Variants in GSTO2 observed in about 807,000 individuals in gnomAD.
GSTO2 encodes glutathione S-transferase omega 2.
A neutral mutation model predicts 28.4 loss-of-function variants in GSTO2; 23 were observed. The observed-to-expected ratio is 0.81, with a 90% CI of 0.58 to 1.15. The LOEUF is 1.15. Among genes scored for constraint, GSTO2 ranks in the 50% most tolerant of loss-of-function variants. The probability of loss-of-function intolerance (pLI) is 0.00; values close to 1 mark genes in which losing one functional copy is unlikely to be tolerated. For missense variants in GSTO2, 298 were observed against 297.8 expected, an observed-to-expected ratio of 1.00 and a Z score of 0.00; for synonymous variants, 109 against 111.0, an observed-to-expected ratio of 0.98 and a Z score of 0.11.
At chr10:104,272,800 G>A (rs2011480227) in intron 1 of GSTO2, among the ~76,000 whole-genome samples, 1 of 151,192 alleles carries the variant, frequency 6.6e-6, no homozygotes, top group South Asian at 2.1e-4. Flanking sequence ...TTTTAGTAGA[G>A]ACGGGGTTTC....
At chr10:104,278,920 C>T (rs1319786662) in intron 4 of GSTO2, among the ~76,000 whole-genome samples, 5 of 152,134 alleles carry the variant, frequency 3.3e-5, no homozygotes, top group African/African-American at 1.2e-4. Flanking sequence ...TTTTTAAAAA[C>T]CTCAATGATA....
rs2013310526 is a variant in GSTO2 at position 104,303,189 on chromosome 10, AGT to A, written c.*3907_*3908del. ...TCTCATGATTTAGCTCCCACTTATA[AGT>A]GAGAACATGCAGTTTTTGTAAACCT... On this transcript the variant is annotated 3_prime_UTR_variant, in exon 7 of 7. Transcript: ENST00000338595. 3 of 152,286 alleles carry A rather than the reference AGT, an allele frequency of 2.0e-5. No homozygotes were observed. In the South Asian group the frequency reaches 6.2e-4, roughly 32 times the overall value. 9.4% of individuals were successfully genotyped at this position (152,286 alleles called of 1,614,324 possible). A position where few individuals can be genotyped will look rare whatever the true frequency, so the allele number is the denominator to read the frequency against.
chr10:104,274,822 C>T lies in GSTO2; in HGVS notation c.-94C>T. The T allele has an allele frequency of 1.4e-6, 2 of 1,472,380 alleles. No homozygotes were observed. Among genetic ancestry groups the T allele is most frequent in the East Asian group, 2.4e-5 (1 of 41,082 alleles). The allele number at this position is 1,472,380 out of a possible 1,614,324, so 91.2% of individuals were successfully genotyped here. A position where few individuals can be genotyped will look rare whatever the true frequency, so the allele number is the denominator to read the frequency against. On this transcript the variant is annotated 5_prime_UTR_variant, in exon 2 of 7. Transcript: ENST00000338595. ...TAAATTTGGGGCAAGGGGTGCGCGCCAGAGCGCAGCTGTTTCTGGAGCCTG... is the reference window on the plus strand; with the variant it reads ...TAAATTTGGGGCAAGGGGTGCGCGCTAGAGCGCAGCTGTTTCTGGAGCCTG...
intron 3 of GSTO2, among the ~76,000 whole-genome samples, chr10:104,276,126 C>G (rs763499929): frequency 6.6e-6 from 1 of 152,124 alleles, no homozygotes; most frequent in African/African-American, 2.4e-5. Flanking sequence ...ACTCTTGTCT[C>G]GGAGAGTCCA....
At chr10:104,293,974 A>G (rs74154785) in intron 5 of GSTO2, among the ~76,000 whole-genome samples, 1,699 of 152,256 alleles carry the variant, frequency 0.011, 28 homozygotes, top group African/African-American at 0.038. Flanking sequence ...TCCTCTGCAC[A>G]GCAAGGCTCC....
chr10:104,289,940 T>A (rs565626549), intron 5 of GSTO2, among the ~76,000 whole-genome samples: 9 of 152,118 alleles, frequency 5.9e-5, no homozygotes, highest in Non-Finnish European at 1.3e-4. Flanking sequence ...TAACGAATAC[T>A]GGTGAGGATG....
At chr10:104,295,727 G>C (rs1443600630) in intron 5 of GSTO2, 2 of 152,202 alleles carry the variant, frequency 1.3e-5, no homozygotes, top group African/African-American at 4.8e-5. Flanking sequence ...TGGTTCCCAA[G>C]CTCACATCCT....
intron 4 of GSTO2, 41 bp downstream of exon 4, chr10:104,278,157 T>C: frequency 6.7e-7 from 1 of 1,492,738 alleles, no homozygotes; most frequent in Non-Finnish European, 9.3e-7. Flanking sequence ...GTATTTTACT[T>C]TGCATGTCTT....
At chr10:104,285,134 A>G (rs1589866490) in intron 5 of GSTO2, among the ~76,000 whole-genome samples, 1 of 152,194 alleles carries the variant, frequency 6.6e-6, no homozygotes, top group Non-Finnish European at 1.5e-5. Context: ...AAACTTGATC[A>G]TGTGCCTTAT....
chr10:104,288,123 C>G (rs1026350654), intron 5 of GSTO2, among the ~76,000 whole-genome samples: 6 of 152,098 alleles, frequency 3.9e-5, no homozygotes, highest in African/African-American at 1.2e-4. Context: ...ATCTCCTGAC[C>G]TTGTGATCCA....
At chr10:104,282,239 A>G (rs1337923149) in intron 5 of GSTO2, among the ~76,000 whole-genome samples, 52 of 148,214 alleles carry the variant, frequency 3.5e-4, no homozygotes, top group African/African-American at 8.1e-4. Context: ...AAAAAAAAAA[A>G]AAAAGAAAAG....
intron 4 of GSTO2, among the ~76,000 whole-genome samples, chr10:104,278,779 C>G (rs1480516579): frequency 6.6e-6 from 1 of 152,126 alleles, no homozygotes; most frequent in Non-Finnish European, 1.5e-5. Flanking sequence ...CTGTGCCTGG[C>G]CAGTGATGCT....
intron 1 of GSTO2, among the ~76,000 whole-genome samples, chr10:104,274,305 G>A (rs776845522): frequency 7.2e-5 from 11 of 152,186 alleles, no homozygotes; most frequent in South Asian, 4.1e-4. Flanking sequence ...GGTGCAAAAT[G>A]TGAGTTGTCT....
At chr10:104,277,822 C>T in intron 3 of GSTO2, 72 bp from the exon 4 acceptor site, 1 of 1,013,854 alleles carries the variant, frequency 9.9e-7, no homozygotes, top group Non-Finnish European at 1.5e-6. Context: ...ATTGCTTCTG[C>T]TTTCAAGAAG....
chr10:104,285,575 G>C (rs999679756), intron 5 of GSTO2, among the ~76,000 whole-genome samples: 1 of 152,130 alleles, frequency 6.6e-6, no homozygotes, highest in African/African-American at 2.4e-5. Context: ...TCAACCTCCT[G>C]AGTAGCTGGG....
intron 3 of GSTO2, among the ~76,000 whole-genome samples, chr10:104,277,233 T>C (rs1353020582): frequency 6.6e-6 from 1 of 152,220 alleles, no homozygotes. Flanking sequence ...AACTCTCTAA[T>C]GCCATGGTTA....
At chr10:104,296,490 G>C (rs2013031012) in intron 5 of GSTO2, 1 of 151,796 alleles carries the variant, frequency 6.6e-6, no homozygotes, top group Non-Finnish European at 1.5e-5. Flanking sequence ...AATCAGCCAG[G>C]GGTAATCCCA....
chr10:104,296,445 A>T (rs2013027389), intron 5 of GSTO2: 1 of 151,724 alleles, frequency 6.6e-6, no homozygotes, highest in African/African-American at 2.4e-5. Context: ...ACATGGCAAG[A>T]CCCCAAGACC....
rs1439907503 is a variant in GSTO2, at chr10:104,274,814, G to T, written c.-102G>T. ...TCAAAAATTAAATTTGGGGCAAGGG[G>T]TGCGCGCCAGAGCGCAGCTGTTTCT... On this transcript the variant is annotated 5_prime_UTR_variant, in exon 2 of 7. Transcript: ENST00000338595. 31 of 1,414,018 alleles carry T rather than the reference G, an allele frequency of 2.2e-5. No individual in the cohort carries two copies. Among genetic ancestry groups the T allele is most frequent in the South Asian group, 8.6e-5 (7 of 81,384 alleles). The allele number at this position is 1,414,018 out of a possible 1,614,324, so 87.6% of individuals were successfully genotyped here. A position where few individuals can be genotyped will look rare whatever the true frequency, so the allele number is the denominator to read the frequency against.
Sources: allele counts gnomAD v4.1 joint callset (sites outside exome capture counted in the v4.1 genomes callset), GRCh38; gene constraint gnomAD v4.1.1; transcripts MANE v1.5; gene names NCBI Gene and HGNC (gene_info 2026-07-23, HGNC 2026-07-21).